Variants in TRPS1 observed in about 807,000 individuals in gnomAD.
The protein encoded by TRPS1 is transcriptional repressor GATA binding 1, also known as zinc finger transcription factor Trps1.
A neutral mutation model predicts 101.2 loss-of-function variants in TRPS1; 6 were observed. The ratio of observed to expected loss-of-function variants is 0.06; its 90% CI spans 0.03 to 0.12. The LOEUF (loss-of-function observed/expected upper bound fraction) is 0.12. TRPS1 is among the 10% of genes least tolerant of loss of function. The pLI, the probability that TRPS1 is intolerant of heterozygous loss-of-function variation, is 1.00. For synonymous variants in TRPS1, 578 were observed against 589.8 expected, an observed-to-expected ratio of 0.98 and a Z score of 0.29; for missense variants, 1,363 against 1,567.0, an observed-to-expected ratio of 0.87 and a Z score of 2.20.
In TRPS1 at chr8:115,418,432, A is replaced by C. The variant is rs1431746326; in HGVS notation, c.2721T>G (p.Val907=). The change falls in exon 6 of 7, where the codon GTT becomes GTG. Residue 907 remains valine, a synonymous_variant. Transcript: ENST00000395715. The surrounding 1 kb of genome is among the most constrained non-coding windows in gnomAD (Gnocchi z 4.3). ...TTGTGGTCAGGCAATTGGCACAAAA[A>C]ACACCGGAGCCTCTACGCCTCTGAA... ...SLLRRRRGSG[V]FCANCLTTKT... 6.2e-7 allele frequency: 1 copy of C among 1,614,118 alleles called. No homozygotes were observed.
At chr8:115,631,413 T>A (rs1818637739) in intron 1 of TRPS1, among the ~76,000 whole-genome samples, 1 of 152,086 alleles carries the variant, frequency 6.6e-6, no homozygotes, top group Non-Finnish European at 1.5e-5. Flanking sequence ...AATAGCTACA[T>A]CTCATCAGTG....
chr8:115,458,563 G>C (rs1346253306), intron 5 of TRPS1, among the ~76,000 whole-genome samples: 1 of 152,130 alleles, frequency 6.6e-6, no homozygotes, highest in Non-Finnish European at 1.5e-5. Flanking sequence ...ATGATTCTGT[G>C]AATAATTTTG....
At chr8:115,502,491 A>G (rs1485136625) in intron 5 of TRPS1, among the ~76,000 whole-genome samples, 1 of 152,204 alleles carries the variant, frequency 6.6e-6, no homozygotes, top group Non-Finnish European at 1.5e-5. Context: ...CATTTGTAAG[A>G]CTGTAGGTTT....
At chr8:115,551,612 G>A (rs1350124952) in intron 5 of TRPS1, among the ~76,000 whole-genome samples, 2 of 152,058 alleles carry the variant, frequency 1.3e-5, no homozygotes, top group Non-Finnish European at 2.9e-5. Context: ...AGCAGATTTT[G>A]ATTATTATGA....
intron 3 of TRPS1, among the ~76,000 whole-genome samples, chr8:115,609,272 G>A (rs1311364731): frequency 6.6e-6 from 1 of 152,136 alleles, no homozygotes; most frequent in Non-Finnish European, 1.5e-5. Flanking sequence ...TCCTGCAAAT[G>A]GGATAAAGAG....
Position 115,604,185 on chromosome 8 carries a change from G to A in TRPS1, c.1784C>T (p.Thr595Ile), listed in dbSNP as rs751671014. Residue 595 changes from threonine (T) to isoleucine (I), a missense_variant, in exon 4 of 7, where the codon ACT becomes ATT. Around this residue, in one of 5 missense-constraint regions of TRPS1, gnomAD observed 1,020 missense variants for 1,073.0 expected, o/e 0.95. Transcript: ENST00000395715. This position sits in a 1 kb window ranked among gnomAD's most constrained non-coding sequence, Gnocchi z 4.1. The stretch of plus-strand genomic sequence containing the variant: ...ACTTTTTCTACAAGCAAACGGATAA[G>A]TAATTTCTCCAAGGTGCTTTTCTGG... The part of the protein sequence containing the change: ...CSPEKHLGEI[T>I]YPFACRKSNC... The A allele has an allele frequency of 1.5e-5, 24 of 1,614,104 alleles. No homozygotes were observed. The South Asian group carries it at 2.4e-4, about 16-fold the overall frequency.
intron 4 of TRPS1, among the ~76,000 whole-genome samples, chr8:115,594,075 T>C (rs939461435): frequency 6.6e-6 from 1 of 152,052 alleles, no homozygotes; most frequent in African/African-American, 2.4e-5. Flanking sequence ...CTGGATTTAA[T>C]ATGTAGGGTC....
chr8:115,491,215 C>A (rs1404917336), intron 5 of TRPS1, among the ~76,000 whole-genome samples: 4 of 152,152 alleles, frequency 2.6e-5, no homozygotes, highest in Non-Finnish European at 5.9e-5. Flanking sequence ...TTTGAGGAGA[C>A]CTTTGTCTTT....
At chr8:115,498,169 G>A (rs1174384960) in intron 5 of TRPS1, among the ~76,000 whole-genome samples, 1 of 151,898 alleles carries the variant, frequency 6.6e-6, no homozygotes, top group Non-Finnish European at 1.5e-5. Context: ...TTGAGCCCAG[G>A]AGTTTGAGAC....
At chr8:115,482,572 T>C (rs975251500) in intron 5 of TRPS1, among the ~76,000 whole-genome samples, 1 of 152,182 alleles carries the variant, frequency 6.6e-6, no homozygotes, top group Non-Finnish European at 1.5e-5. Context: ...TACTTTCAAG[T>C]TTAACTGAAT....
chr8:115,559,103 G>T (rs1199233654), intron 5 of TRPS1, among the ~76,000 whole-genome samples: 2 of 152,006 alleles, frequency 1.3e-5, no homozygotes, highest in Non-Finnish European at 2.9e-5. Context: ...TACTGCATCA[G>T]CATTACAAAG....
intron 5 of TRPS1, among the ~76,000 whole-genome samples, chr8:115,564,102 C>T (rs911268409): frequency 3.3e-5 from 5 of 151,986 alleles, no homozygotes; most frequent in Non-Finnish European, 7.4e-5. Flanking sequence ...CTGCCAACAC[C>T]GCAGAAAGAG....
chr8:115,622,216 A>AT (rs34171973), intron 2 of TRPS1, among the ~76,000 whole-genome samples: 30 of 150,710 alleles, frequency 2.0e-4, no homozygotes, highest in African/African-American at 5.8e-4. Context: ...CTGGTAAACT[A>AT]TTTTTTTTTA....
intron 5 of TRPS1, among the ~76,000 whole-genome samples, chr8:115,557,272 T>C (rs1266652623): frequency 1.3e-5 from 2 of 152,098 alleles, no homozygotes. Context: ...CCAAACTATA[T>C]CACTGGTTAT....
At chr8:115,658,022 A>T (rs1449956406) in intron 1 of TRPS1, among the ~76,000 whole-genome samples, 1 of 151,936 alleles carries the variant, frequency 6.6e-6, no homozygotes, top group Non-Finnish European at 1.5e-5. Context: ...TAGGGGGAAG[A>T]GGGGTAGGAA....
chr8:115,624,571 T>A (rs1310696955), intron 1 of TRPS1, among the ~76,000 whole-genome samples: 1 of 152,008 alleles, frequency 6.6e-6, no homozygotes, highest in East Asian at 1.9e-4. Flanking sequence ...ATTGCTGAGA[T>A]ATAAGACATT....
At chr8:115,479,648 A>G (rs1445823512) in intron 5 of TRPS1, among the ~76,000 whole-genome samples, 4 of 152,200 alleles carry the variant, frequency 2.6e-5, no homozygotes, top group Admixed American at 6.5e-5. Context: ...GAATATGTCT[A>G]TATTTAACAG....
intron 5 of TRPS1, among the ~76,000 whole-genome samples, chr8:115,457,343 G>C (rs1814055920): frequency 1.3e-5 from 2 of 152,170 alleles, no homozygotes; most frequent in African/African-American, 4.8e-5. Context: ...ATTATGTTAA[G>C]TGAAATAAGG....
At chr8:115,561,831 A>T (rs897658540) in intron 5 of TRPS1, among the ~76,000 whole-genome samples, 1 of 151,898 alleles carries the variant, frequency 6.6e-6, no homozygotes, top group African/African-American at 2.4e-5. Context: ...TTACAACCCC[A>T]TCTAAAAAAA....
Sources: allele counts gnomAD v4.1 joint callset (sites outside exome capture counted in the v4.1 genomes callset), GRCh38; gene constraint gnomAD v4.1.1; regional missense constraint gnomAD v4.1.1; non-coding constraint Gnocchi (gnomAD v3.1); transcripts MANE v1.5; gene names NCBI Gene and HGNC (gene_info 2026-07-23, HGNC 2026-07-21).